The following ZMAT4 variants were observed in gnomAD, a reference collection of about 807,000 sequenced individuals.
The protein encoded by ZMAT4 is zinc finger matrin-type protein 4.
ZMAT4 carries 17 observed loss-of-function variants against 28.7 expected under a neutral mutation model. The ratio of observed to expected loss-of-function variants is 0.59; its 90% CI spans 0.41 to 0.89. The LOEUF is 0.89. Among genes scored for constraint, ZMAT4 ranks in the 40% least tolerant of loss-of-function variants. The probability of loss-of-function intolerance (pLI) is 0.00; values close to 1 mark genes in which losing one functional copy is unlikely to be tolerated. For missense variants in ZMAT4, 240 were observed against 283.8 expected, an observed-to-expected ratio of 0.85 and a Z score of 1.11; for synonymous variants, 117 against 109.2, an observed-to-expected ratio of 1.07 and a Z score of -0.44.
chr8:40,779,101 A>G (rs2150570415), intron 2 of ZMAT4, among the ~76,000 whole-genome samples: 1 of 152,068 alleles, frequency 6.6e-6, no homozygotes, highest in Middle Eastern at 3.4e-3. Flanking sequence ...CTGGTGGGAG[A>G]TAATTGAATC....
Position 40,810,366 on chromosome 8 carries a change from A to G in ZMAT4, c.102+15209T>C, listed in dbSNP as rs77441125. On this transcript the variant is annotated intron_variant, in intron 2 of 6. Coordinates refer to ENST00000297737, the MANE Select transcript of ZMAT4 (RefSeq NM_024645.3). ...AGCACAGTAACTAAATACAGTAAAGACTGACCAAGATCAAGAAAATTAAAT... is the reference window on the plus strand; with the variant it reads ...AGCACAGTAACTAAATACAGTAAAGGCTGACCAAGATCAAGAAAATTAAAT... Among the ~76,000 whole-genome samples the G allele has an allele frequency of 4.9e-3, 748 of 152,312 alleles. 7 individuals are homozygous for G. The highest frequency in any genetic ancestry group is 0.017 in the African/African-American group (715 of 41,566).
chr8:40,613,352 T>C (rs1440942658), intron 5 of ZMAT4, among the ~76,000 whole-genome samples: 1 of 151,452 alleles, frequency 6.6e-6, no homozygotes, highest in African/African-American at 2.4e-5. Context: ...CCGGCTAATA[T>C]TTTTTGTATT....
chr8:40,646,189 T>C (rs1243933346), intron 5 of ZMAT4, among the ~76,000 whole-genome samples: 5 of 152,016 alleles, frequency 3.3e-5, no homozygotes, highest in African/African-American at 9.6e-5. Context: ...ACTACTAAGA[T>C]GATTAAATTT....
At position 40,699,619 on chromosome 8, in the gene ZMAT4, C is replaced by T. The variant is rs561111629; in HGVS notation, c.193-2218G>A. Reference sequence around the variant, plus strand: ...ATGCACACACACACACACACACACACACCATGGAATACTACTCAGCCATAA... The same window carrying T: ...ATGCACACACACACACACACACACATACCATGGAATACTACTCAGCCATAA... On this transcript the variant is annotated intron_variant, in intron 3 of 6. Transcript: ENST00000297737. 5.7e-3 allele frequency among the ~76,000 whole-genome samples: 860 copies of T among 151,956 alleles called. 8 individuals are homozygous for T. Among genetic ancestry groups the T allele is most frequent in the African/African-American group, 0.02 (829 of 41,456 alleles).
At chr8:40,804,732 T>C (rs1815001039) in intron 2 of ZMAT4, among the ~76,000 whole-genome samples, 1 of 151,820 alleles carries the variant, frequency 6.6e-6, no homozygotes, top group Non-Finnish European at 1.5e-5. Context: ...TCCCAGCTAC[T>C]TGGGAGGCTG....
intron 1 of ZMAT4, among the ~76,000 whole-genome samples, chr8:40,874,113 C>T (rs1432161418): frequency 1.3e-5 from 2 of 152,188 alleles, no homozygotes; most frequent in Non-Finnish European, 1.5e-5. Flanking sequence ...TAACTTCCGC[C>T]CCAGACACTA....
intron 1 of ZMAT4, among the ~76,000 whole-genome samples, chr8:40,849,244 T>G (rs1173862108): frequency 6.6e-6 from 1 of 152,232 alleles, no homozygotes; most frequent in Non-Finnish European, 1.5e-5. Context: ...CTCAGGCCAC[T>G]CTCAACACAC....
intron 3 of ZMAT4, among the ~76,000 whole-genome samples, chr8:40,741,577 T>C (rs1812005586): frequency 6.6e-6 from 1 of 152,238 alleles, no homozygotes; most frequent in Non-Finnish European, 1.5e-5. Context: ...TATCCAGTAT[T>C]ATTATATTAA....
At chr8:40,569,446 A>C (rs1004508168) in intron 6 of ZMAT4, among the ~76,000 whole-genome samples, 1 of 152,156 alleles carries the variant, frequency 6.6e-6, no homozygotes, top group African/African-American at 2.4e-5. Flanking sequence ...TTTCTTATAA[A>C]ATTTGGTGAA....
chr8:40,772,391 A>T (rs1306085860), intron 2 of ZMAT4, among the ~76,000 whole-genome samples: 1 of 152,244 alleles, frequency 6.6e-6, no homozygotes, highest in Non-Finnish European at 1.5e-5. Context: ...TTTCAGATGT[A>T]TTGCTGTGAA....
chr8:40,533,593 A>G (rs1864379), intron 6 of ZMAT4, among the ~76,000 whole-genome samples: 2 of 152,218 alleles, frequency 1.3e-5, no homozygotes, highest in African/African-American at 4.8e-5. Context: ...AACACAGAGC[A>G]TATGTTGAAA....
chr8:40,615,589 A>G (rs1208996021), intron 5 of ZMAT4, among the ~76,000 whole-genome samples: 1 of 152,126 alleles, frequency 6.6e-6, no homozygotes, highest in Non-Finnish European at 1.5e-5. Context: ...TGGTCTTTTC[A>G]CATAATCCCA....
At chr8:40,890,250 G>A (rs959594370) in intron 1 of ZMAT4, among the ~76,000 whole-genome samples, 4 of 152,064 alleles carry the variant, frequency 2.6e-5, no homozygotes, top group Admixed American at 6.5e-5. Flanking sequence ...CACGTCTCAC[G>A]AACACCTCCA....
At chr8:40,644,149 A>G (rs543176580) in intron 5 of ZMAT4, among the ~76,000 whole-genome samples, 270 of 152,310 alleles carry the variant, frequency 1.8e-3, no homozygotes, top group African/African-American at 6.2e-3. Context: ...GGATAAGCTT[A>G]AAGGTATAGA....
intron 2 of ZMAT4, among the ~76,000 whole-genome samples, chr8:40,824,862 C>T (rs916978332): frequency 6.6e-6 from 1 of 152,174 alleles, no homozygotes; most frequent in Non-Finnish European, 1.5e-5. Flanking sequence ...CCTGGGATCT[C>T]CCAGTTCTCT....
chr8:40,599,344 A>G (rs1252534953), intron 5 of ZMAT4, among the ~76,000 whole-genome samples: 2 of 152,182 alleles, frequency 1.3e-5, no homozygotes, highest in Non-Finnish European at 2.9e-5. Context: ...TACATCACAC[A>G]TATGTACACA....
intron 6 of ZMAT4, among the ~76,000 whole-genome samples, chr8:40,578,424 C>T (rs1398384380): frequency 1.3e-5 from 2 of 151,976 alleles, no homozygotes; most frequent in Non-Finnish European, 2.9e-5. Context: ...ATTATCTTAT[C>T]GACCTCAGGA....
intron 5 of ZMAT4, among the ~76,000 whole-genome samples, chr8:40,636,868 G>A (rs539562783): frequency 6.6e-6 from 1 of 152,234 alleles, no homozygotes; most frequent in African/African-American, 2.4e-5. Context: ...CTTTTAAAAT[G>A]AAAACTTTTT....
At chr8:40,788,102 T>G (rs1814160327) in intron 2 of ZMAT4, among the ~76,000 whole-genome samples, 1 of 152,092 alleles carries the variant, frequency 6.6e-6, no homozygotes, top group Non-Finnish European at 1.5e-5. Flanking sequence ...AAATCTCTAC[T>G]CAGACCAATG....
Sources: allele counts gnomAD v4.1 joint callset (sites outside exome capture counted in the v4.1 genomes callset), GRCh38; gene constraint gnomAD v4.1.1; transcripts MANE v1.5; gene names NCBI Gene and HGNC (gene_info 2026-07-23, HGNC 2026-07-21).